Variants in MECOM observed in about 807,000 individuals in gnomAD.
The protein encoded by MECOM is histone-lysine N-methyltransferase MECOM.
MECOM carries 13 observed loss-of-function variants against 116.3 expected under a neutral mutation model. The observed-to-expected ratio is 0.11, with a 90% CI of 0.07 to 0.18. The LOEUF (loss-of-function observed/expected upper bound fraction) is 0.18. Ranked by LOEUF, MECOM falls within the 10% of genes least tolerant of loss-of-function variation. The pLI, the probability that MECOM is intolerant of heterozygous loss-of-function variation, is 1.00. For synonymous variants in MECOM, 528 were observed against 535.2 expected, an observed-to-expected ratio of 0.99 and a Z score of 0.19; for missense variants, 1,299 against 1,509.0, an observed-to-expected ratio of 0.86 and a Z score of 2.31.
chr3:169,493,453 G>T (rs1172069743), intron 1 of MECOM, among the ~76,000 whole-genome samples: 2 of 151,912 alleles, frequency 1.3e-5, no homozygotes, highest in African/African-American at 4.8e-5. Flanking sequence ...CCTTCACTTT[G>T]CAGTTCCCTT....
chr3:169,176,257 G>A (rs1186936214), intron 2 of MECOM, among the ~76,000 whole-genome samples: 2 of 152,010 alleles, frequency 1.3e-5, no homozygotes, highest in Non-Finnish European at 2.9e-5. Context: ...TATATCAAGA[G>A]GATCTTACAC....
chr3:169,347,766 A>T (rs1023760914), intron 2 of MECOM, among the ~76,000 whole-genome samples: 5 of 152,076 alleles, frequency 3.3e-5, no homozygotes, highest in African/African-American at 1.2e-4. Flanking sequence ...TGTGGATGAC[A>T]GGCCTCTGTG....
intron 1 of MECOM, among the ~76,000 whole-genome samples, chr3:169,662,507 G>T (rs1212424771): frequency 1.3e-5 from 2 of 152,088 alleles, no homozygotes; most frequent in Non-Finnish European, 1.5e-5. Context: ...CCGAGCGCTC[G>T]CTGGGCCTCT....
chr3:169,102,027 T>G, intron 11 of MECOM, 33 bp downstream of exon 11: 1 of 1,571,344 alleles, frequency 6.4e-7, no homozygotes, highest in Non-Finnish European at 8.7e-7. Context: ...GGGAGATTTC[T>G]GGAAAGTCAG....
At chr3:169,465,331 C>T (rs1310878070) in intron 1 of MECOM, among the ~76,000 whole-genome samples, 2 of 152,066 alleles carry the variant, frequency 1.3e-5, no homozygotes, top group Non-Finnish European at 2.9e-5. Flanking sequence ...TATCTGTTTC[C>T]TAGTATTGTT....
intron 1 of MECOM, among the ~76,000 whole-genome samples, chr3:169,472,526 A>AGAAAAGAAAAGGAAAG: frequency 1.1e-5 from 1 of 92,366 alleles, no homozygotes; most frequent in Non-Finnish European, 2.1e-5. Context: ...AGGAAAGAAA[A>AGAAAAGAAAAGGAAAG]GAAAAGAAAA....
At chr3:169,373,543 C>T (rs527534198) in intron 2 of MECOM, among the ~76,000 whole-genome samples, 13 of 151,964 alleles carry the variant, frequency 8.6e-5, no homozygotes, top group Middle Eastern at 3.4e-3. Flanking sequence ...CGGCTAATGA[C>T]GTGGGGCAGT....
At chr3:169,261,101 C>A (rs538700353) in intron 2 of MECOM, among the ~76,000 whole-genome samples, 1 of 152,152 alleles carries the variant, frequency 6.6e-6, no homozygotes, top group African/African-American at 2.4e-5. Flanking sequence ...CAAGTTGTTT[C>A]TTTACACATA....
chr3:169,147,321 C>A, intron 2 of MECOM: 7 of 985,576 alleles, frequency 7.1e-6, no homozygotes, highest in Non-Finnish European at 8.4e-6. Flanking sequence ...GGTCCTGGAC[C>A]CTCACGGGAT....
chr3:169,663,263 G>T, intron 1 of MECOM, 73 bp downstream of exon 1: 1 of 1,535,696 alleles, frequency 6.5e-7, no homozygotes, highest in Non-Finnish European at 8.8e-7. Context: ...GCTCCCTCCC[G>T]GAGCGCTAGA....
intron 2 of MECOM, among the ~76,000 whole-genome samples, chr3:169,192,738 G>A (rs2149428760): frequency 6.6e-6 from 1 of 152,086 alleles, no homozygotes; most frequent in South Asian, 2.1e-4. Flanking sequence ...CAGACAGTGT[G>A]ACTATCCACT....
chr3:169,237,508 G>A (rs529997829), intron 2 of MECOM, among the ~76,000 whole-genome samples: 62 of 147,548 alleles, frequency 4.2e-4, no homozygotes, highest in Non-Finnish European at 6.4e-4. Flanking sequence ...GTCCCCGTAT[G>A]AAATAATCTT....
intron 1 of MECOM, among the ~76,000 whole-genome samples, chr3:169,464,471 T>C (rs934347174): frequency 1.3e-5 from 1 of 76,982 alleles, no homozygotes; most frequent in Non-Finnish European, 2.9e-5. Flanking sequence ...TCTCACACCC[T>C]CTAGTTTTCG....
intron 2 of MECOM, among the ~76,000 whole-genome samples, chr3:169,216,723 T>C (rs1751467907): frequency 6.6e-6 from 1 of 152,106 alleles, no homozygotes; most frequent in Non-Finnish European, 1.5e-5. Context: ...AATATATTGT[T>C]AAGTAAGAAA....
At position 169,127,830 on chromosome 3, in the gene MECOM, A is replaced by G. The variant is rs1182160539; in HGVS notation, c.830+14T>C. The G allele has an allele frequency of 1.9e-6, 3 of 1,605,302 alleles. No individual in the cohort carries two copies. The highest frequency in any genetic ancestry group is 1.7e-6 in the Non-Finnish European group (2 of 1,172,050). On this transcript the variant is annotated intron_variant, in intron 5 of 16. Transcript: ENST00000651503. ...AAATACACAAGTTGTATGGTACAACATGCCATTTCTAACCTTTGCAAATCA... is the reference window on the plus strand; with the variant it reads ...AAATACACAAGTTGTATGGTACAACGTGCCATTTCTAACCTTTGCAAATCA...
chr3:169,244,339 G>A (rs889996637), intron 2 of MECOM, among the ~76,000 whole-genome samples: 8 of 152,314 alleles, frequency 5.3e-5, no homozygotes, highest in East Asian at 1.9e-4. Flanking sequence ...CCGAGGCATG[G>A]TGCTGTGGCA....
At chr3:169,390,440 G>T (rs980913567) in intron 1 of MECOM, among the ~76,000 whole-genome samples, 6 of 152,200 alleles carry the variant, frequency 3.9e-5, no homozygotes, top group African/African-American at 1.4e-4. Flanking sequence ...CTGCCCTCTG[G>T]TGAGGACTGT....
intron 2 of MECOM, among the ~76,000 whole-genome samples, chr3:169,360,319 C>CAAAAAA: frequency 3.2e-4 from 28 of 87,842 alleles, no homozygotes; most frequent in East Asian, 1.1e-3. Context: ...AAAGTTACAC[C>CAAAAAA]AAAAAAAAAA....
At chr3:169,469,002 G>A (rs1163138731) in intron 1 of MECOM, among the ~76,000 whole-genome samples, 1 of 152,172 alleles carries the variant, frequency 6.6e-6, no homozygotes, top group Non-Finnish European at 1.5e-5. Flanking sequence ...TATCCTAGCA[G>A]TCTTTCTAGG....
Sources: gnomAD v4.1 joint callset for allele counts (sites outside exome capture counted in the v4.1 genomes callset) on GRCh38, gnomAD v4.1.1 for gene constraint, MANE v1.5 for transcripts, NCBI Gene and HGNC (gene_info 2026-07-23, HGNC 2026-07-21) for gene names.